The following MAMDC2 variants were observed in gnomAD, a reference collection of about 807,000 sequenced individuals.
The protein encoded by MAMDC2 is MAM domain containing 2, also known as MAM domain-containing protein 2.
In MAMDC2, 57 loss-of-function variants were observed where a neutral mutation model predicts 89.8. The ratio of observed to expected loss-of-function variants is 0.63; its 90% CI spans 0.51 to 0.79. MAMDC2 has a LOEUF of 0.79. Ranked by LOEUF, MAMDC2 falls within the 30% of genes least tolerant of loss-of-function variation. The pLI is 0.00. For synonymous variants in MAMDC2, 313 were observed against 293.4 expected (o/e 1.07, Z -0.68); for missense variants, 800 against 820.6 (o/e 0.97, Z 0.31).
intron 9 of MAMDC2, chr9:70,157,520 G>A (rs2031805686): frequency 6.6e-6 from 1 of 152,520 alleles, no homozygotes; most frequent in Non-Finnish European, 1.5e-5. Context: ...ACTTCTAGTA[G>A]AAGTCTCTCT....
intron 5 of MAMDC2, among the ~76,000 whole-genome samples, chr9:70,118,269 G>T (rs2030098870): frequency 6.9e-6 from 1 of 145,430 alleles, no homozygotes; most frequent in African/African-American, 2.6e-5. Flanking sequence ...CTAATATTTT[G>T]TCCATTCATT....
At chr9:70,171,832 T>TA (rs2032357842) in intron 11 of MAMDC2, among the ~76,000 whole-genome samples, 1 of 151,934 alleles carries the variant, frequency 6.6e-6, no homozygotes, top group Non-Finnish European at 1.5e-5. Flanking sequence ...GCTGATGAGC[T>TA]AAAAAAAATT....
At chr9:70,163,374 G>A (rs1029944294) in intron 9 of MAMDC2, among the ~76,000 whole-genome samples, 37 of 151,992 alleles carry the variant, frequency 2.4e-4, no homozygotes, top group South Asian at 2.1e-4. Flanking sequence ...GACTACAGGC[G>A]TGAGCCACCA....
chr9:70,114,677 T>C (rs2029887270), intron 5 of MAMDC2, among the ~76,000 whole-genome samples: 2 of 152,110 alleles, frequency 1.3e-5, no homozygotes, highest in Admixed American at 6.5e-5. Context: ...TGACCCAGCA[T>C]TAGATATGAT....
chr9:70,054,943 T>C (rs1826994836), intron 2 of MAMDC2, among the ~76,000 whole-genome samples: 1 of 152,128 alleles, frequency 6.6e-6, no homozygotes, highest in Non-Finnish European at 1.5e-5. Context: ...CCAGGCATAG[T>C]AGCTCATCCC....
chr9:70,126,630 AAG>A, intron 6 of MAMDC2, among the ~76,000 whole-genome samples: 1 of 152,248 alleles, frequency 6.6e-6, no homozygotes, highest in South Asian at 2.1e-4. Flanking sequence ...ATTTCCTAGC[AAG>A]AGTCATTTTT....
chr9:70,063,925 G>T (rs1197069860), intron 2 of MAMDC2, among the ~76,000 whole-genome samples: 1 of 151,904 alleles, frequency 6.6e-6, no homozygotes, highest in Non-Finnish European at 1.5e-5. Context: ...TTTTAGATGT[G>T]CCACACCACT....
chr9:70,163,229 C>CTTTTT lies in MAMDC2; in HGVS notation c.1405-5459_1405-5455dup, dbSNP rs66957093. Among the ~76,000 whole-genome samples, 37 of 125,076 alleles carry CTTTTT rather than the reference C, an allele frequency of 3.0e-4. No homozygotes were observed. In the South Asian group the frequency reaches 3.5e-3, roughly 12 times the overall value. 82.1% of individuals were successfully genotyped at this position (125,076 alleles called of 152,430 possible). A position where few individuals can be genotyped will look rare whatever the true frequency, so the allele number is the denominator to read the frequency against. ...AGGGCTTCAGGATATTTCTTTCTTTCTTTTTTTTTTTTTTTTTTAGACAGA... is the reference window on the plus strand; with the variant it reads ...AGGGCTTCAGGATATTTCTTTCTTTCTTTTTTTTTTTTTTTTTTTTTTTAGACAGA... On this transcript the variant is annotated intron_variant, in intron 9 of 13. Transcript: ENST00000377182.
At chr9:70,215,104 G>A (rs1434323239) in intron 11 of MAMDC2, among the ~76,000 whole-genome samples, 2 of 152,188 alleles carry the variant, frequency 1.3e-5, no homozygotes, top group Non-Finnish European at 2.9e-5. Context: ...GGGCACTCCA[G>A]GGTCAAAAGG....
chr9:70,186,566 A>G (rs1428330891), intron 11 of MAMDC2, among the ~76,000 whole-genome samples: 3 of 151,966 alleles, frequency 2.0e-5, no homozygotes, highest in African/African-American at 7.2e-5. Flanking sequence ...TGAAAGTACT[A>G]TTTTCCTCTG....
intron 2 of MAMDC2, among the ~76,000 whole-genome samples, chr9:70,070,607 T>C (rs1036739911): frequency 2.0e-5 from 3 of 152,200 alleles, no homozygotes; most frequent in Admixed American, 1.3e-4. Context: ...GAATGTTTGA[T>C]TGATTAGAGA....
intron 3 of MAMDC2, 87 bp from the exon 4 acceptor site, chr9:70,109,633 C>T (rs770561369): frequency 3.6e-5 from 39 of 1,097,294 alleles, no homozygotes; most frequent in Non-Finnish European, 4.9e-5. Flanking sequence ...AGTGGCTGAA[C>T]AGCTCCAGAC....
At chr9:70,072,719 T>A (rs1008321235) in intron 2 of MAMDC2, among the ~76,000 whole-genome samples, 1 of 152,056 alleles carries the variant, frequency 6.6e-6, no homozygotes, top group African/African-American at 2.4e-5. Context: ...TTGAGCTAAA[T>A]AATTGTGTCT....
intron 11 of MAMDC2, among the ~76,000 whole-genome samples, chr9:70,182,725 A>G (rs1387671525): frequency 1.3e-5 from 2 of 151,656 alleles, no homozygotes; most frequent in Non-Finnish European, 2.9e-5. Flanking sequence ...TTTTTATTGC[A>G]TCTATTTGAT....
chr9:70,123,188 C>T (rs1330443641), intron 5 of MAMDC2, among the ~76,000 whole-genome samples: 1 of 152,242 alleles, frequency 6.6e-6, no homozygotes, highest in Admixed American at 6.5e-5. Flanking sequence ...GATTCTGTTT[C>T]ATTGGTAAGT....
In MAMDC2 at chr9:70,099,980, A is replaced by AAGAGAGAGAGAGAGAG. The variant is rs60292765; in HGVS notation, c.149-8202_149-8187dup. Among the ~76,000 whole-genome samples the AAGAGAGAGAGAGAGAG allele has an allele frequency of 2.3e-3, 261 of 115,622 alleles. 2 individuals carry two copies. The highest frequency in any genetic ancestry group is 5.9e-3 in the Middle Eastern group (1 of 170). The allele number at this position is 115,622 out of a possible 152,430, so 75.9% of individuals were successfully genotyped here. A position where few individuals can be genotyped will look rare whatever the true frequency, so the allele number is the denominator to read the frequency against. On this transcript the variant is annotated intron_variant, in intron 2 of 13. Coordinates refer to ENST00000377182, the MANE Select transcript of MAMDC2 (RefSeq NM_153267.5). ...ACAGAGCAAGACTCTGCCAAAAAGA[A>AAGAGAGAGAGAGAGAG]AGAGAGAGAGAGAGAGAGAGAGAGA...
chr9:70,080,170 G>C (rs1426561837), intron 2 of MAMDC2, among the ~76,000 whole-genome samples: 9 of 152,112 alleles, frequency 5.9e-5, no homozygotes, highest in Admixed American at 3.3e-4. Context: ...CTAATTAATA[G>C]ATTAATAGTC....
chr9:70,112,086 T>C (rs1031858256), intron 4 of MAMDC2, among the ~76,000 whole-genome samples: 5 of 152,150 alleles, frequency 3.3e-5, no homozygotes, highest in Admixed American at 1.3e-4. Context: ...GGGTAGCCCA[T>C]TGATACAGTC....
intron 2 of MAMDC2, among the ~76,000 whole-genome samples, chr9:70,066,231 C>T (rs1018248043): frequency 6.6e-6 from 1 of 152,106 alleles, no homozygotes; most frequent in Non-Finnish European, 1.5e-5. Context: ...CCAAGTGCTC[C>T]AGGCAGAGGG....
Sources: allele counts gnomAD v4.1 joint callset (sites outside exome capture counted in the v4.1 genomes callset), GRCh38; gene constraint gnomAD v4.1.1; transcripts MANE v1.5; gene names NCBI Gene and HGNC (gene_info 2026-07-23, HGNC 2026-07-21).